Variants in PCDHA2 observed in about 807,000 individuals in gnomAD.
The protein encoded by PCDHA2 is protocadherin alpha-2.
A neutral mutation model predicts 66.0 loss-of-function variants in PCDHA2; 58 were observed. That is an observed-to-expected ratio of 0.88 (90% confidence interval 0.71 to 1.09). The LOEUF (loss-of-function observed/expected upper bound fraction) is 1.09, where lower values mean the gene tolerates loss of function less well. Among genes scored for constraint, PCDHA2 ranks in the 50% least tolerant of loss-of-function variants. The pLI, the probability that PCDHA2 is intolerant of heterozygous loss-of-function variation, is 0.00. For missense variants in PCDHA2, 1,267 were observed against 1,242.3 expected (o/e 1.02, Z -0.30); for synonymous variants, 634 against 554.0 (o/e 1.14, Z -2.03).
intron 3 of PCDHA2, among the ~76,000 whole-genome samples, chr5:141,005,494 G>A (rs1554260099): frequency 2.0e-5 from 3 of 151,700 alleles, no homozygotes; most frequent in Non-Finnish European, 2.9e-5. Flanking sequence ...ATGAGGTCAG[G>A]AGATCGAGAC....
At chr5:140,900,941 C>T (rs1241522274) in intron 1 of PCDHA2, among the ~76,000 whole-genome samples, 1 of 152,140 alleles carries the variant, frequency 6.6e-6, no homozygotes, top group African/African-American at 2.4e-5. Flanking sequence ...TTTTGATTTG[C>T]ATTTCTCTGA....
chr5:140,892,813 T>C (rs1335475161), intron 1 of PCDHA2, among the ~76,000 whole-genome samples: 1 of 152,228 alleles, frequency 6.6e-6, no homozygotes, highest in Non-Finnish European at 1.5e-5. Context: ...ACCATATTTA[T>C]CCTACAGTGC....
intron 1 of PCDHA2, among the ~76,000 whole-genome samples, chr5:140,840,861 A>G (rs1776915355): frequency 6.6e-6 from 1 of 152,012 alleles, no homozygotes; most frequent in African/African-American, 2.4e-5. Flanking sequence ...ACACGAAACT[A>G]TGGAGGACAG....
chr5:140,798,722 C>T (rs1762354472), intron 1 of PCDHA2, among the ~76,000 whole-genome samples: 1 of 152,186 alleles, frequency 6.6e-6, no homozygotes, highest in Admixed American at 6.5e-5. Context: ...TGGATGACTA[C>T]ATTTTCACTT....
At position 140,807,679 on chromosome 5, in the gene PCDHA2, G is replaced by A. The variant is rs782215966; in HGVS notation, c.2388+10327G>A. 16 of 1,614,118 alleles carry A rather than the reference G, an allele frequency of 9.9e-6. No individual in the cohort carries two copies. In the Admixed American group the frequency reaches 2.7e-4, roughly 27 times the overall value. ...GCGCCTCGGATGCAGATATCGGGGAGAACGCCCTGCTCACTTACAGACTGA... is the reference window on the plus strand; with the variant it reads ...GCGCCTCGGATGCAGATATCGGGGAAAACGCCCTGCTCACTTACAGACTGA... On this transcript the variant is annotated intron_variant, in intron 1 of 3. Transcript: ENST00000526136.
chr5:140,899,548 T>C (rs1452628026), intron 1 of PCDHA2, among the ~76,000 whole-genome samples: 5 of 152,214 alleles, frequency 3.3e-5, no homozygotes, highest in African/African-American at 1.2e-4. Flanking sequence ...TCATGGTGGA[T>C]AAGCTTTTTG....
intron 1 of PCDHA2, chr5:140,877,568 A>G (rs782021677): frequency 1.9e-6 from 3 of 1,613,708 alleles, no homozygotes; most frequent in Non-Finnish European, 1.7e-6. Context: ...ATTAACGTGT[A>G]CCTCATCATC....
intron 1 of PCDHA2, chr5:140,859,970 T>C (rs894279399): frequency 6.6e-6 from 1 of 152,018 alleles, no homozygotes; most frequent in Non-Finnish European, 1.5e-5. Context: ...GTCTCAGGTA[T>C]ACAAGTGCAT....
intron 1 of PCDHA2, among the ~76,000 whole-genome samples, chr5:140,959,969 C>T (rs1203367528): frequency 6.6e-6 from 1 of 152,104 alleles, no homozygotes; most frequent in African/African-American, 2.4e-5. Context: ...GTAGATGTTA[C>T]TGAAAGAAGA....
chr5:140,888,059 T>C (rs1562834280), intron 1 of PCDHA2, among the ~76,000 whole-genome samples: 1 of 152,232 alleles, frequency 6.6e-6, no homozygotes, highest in African/African-American at 2.4e-5. Context: ...TGTTTTAACT[T>C]TCTTGTCTGC....
chr5:140,841,294 A>C, intron 1 of PCDHA2: 1 of 1,563,306 alleles, frequency 6.4e-7, no homozygotes, highest in Non-Finnish European at 8.6e-7. Flanking sequence ...TTAAGATAAT[A>C]TTTTCTGATA....
intron 1 of PCDHA2, among the ~76,000 whole-genome samples, chr5:140,826,827 T>C (rs2150145425): frequency 1.3e-5 from 2 of 152,168 alleles, no homozygotes; most frequent in Non-Finnish European, 2.9e-5. Flanking sequence ...ATTAGGTTAC[T>C]AGAAGTTTCT....
chr5:140,823,977 C>A, intron 1 of PCDHA2: 3 of 1,614,044 alleles, frequency 1.9e-6, no homozygotes, highest in South Asian at 2.2e-5. Context: ...GCACACGGGG[C>A]AAGCCCACTC....
chr5:140,962,248 A>G (rs782618740), intron 1 of PCDHA2, among the ~76,000 whole-genome samples: 5 of 152,182 alleles, frequency 3.3e-5, no homozygotes, highest in Non-Finnish European at 5.9e-5. Context: ...ATTTTCTTCA[A>G]TGAAAAATAA....
intron 1 of PCDHA2, chr5:140,808,492 G>A (rs1448615626): frequency 6.2e-7 from 1 of 1,614,188 alleles, no homozygotes; most frequent in Non-Finnish European, 8.5e-7. Flanking sequence ...CGCCTTCGCT[G>A]TGGGCCACGG....
At chr5:140,858,647 A>T in intron 1 of PCDHA2, 1 of 821,512 alleles carries the variant, frequency 1.2e-6, no homozygotes, top group Non-Finnish European at 1.8e-6. Context: ...ATTGGTACTT[A>T]AATTTTTTTA....
intron 1 of PCDHA2, among the ~76,000 whole-genome samples, chr5:140,888,361 C>G (rs1445087911): frequency 2.0e-5 from 3 of 152,156 alleles, no homozygotes; most frequent in Non-Finnish European, 4.4e-5. Flanking sequence ...CTACTGGCAT[C>G]TAATAATGGA....
In PCDHA2 at chr5:140,797,070, C is replaced by T. The variant is rs1257564144; in HGVS notation, c.2106C>T (p.Ile702=). 1.8e-5 allele frequency: 29 copies of T among 1,613,746 alleles called. No individual in the cohort carries two copies. Among genetic ancestry groups the T allele is most frequent in the African/African-American group, 5.3e-5 (4 of 74,930 alleles). ...TLVDVNVYLI[I]AICAVSSLLV... ...TGGATGTCAACGTGTACCTGATCAT[C>T]GCCATCTGCGCGGTATCCAGCCTGT... Residue 702 remains isoleucine (I), a synonymous_variant, in exon 1 of 4, where the codon ATC becomes ATT. Coordinates refer to ENST00000526136, the MANE Select transcript of PCDHA2 (RefSeq NM_018905.3).
In PCDHA2 at chr5:140,797,158, C is replaced by T. The variant is rs201558063; in HGVS notation, c.2194C>T (p.Arg732Cys). ...RCSVPPTEGA[R>C]APGKPTLVCS... ...CTCGGTGCCACCCACCGAGGGTGCGCGCGCGCCAGGAAAGCCCACGCTGGT... is the reference window on the plus strand; with the variant it reads ...CTCGGTGCCACCCACCGAGGGTGCGTGCGCGCCAGGAAAGCCCACGCTGGT... Residue 732 changes from arginine (R) to cysteine (C), a missense_variant, in exon 1 of 4, where the codon CGC becomes TGC. Coordinates refer to ENST00000526136, the MANE Select transcript of PCDHA2 (RefSeq NM_018905.3). 1.5e-5 allele frequency: 25 copies of T among 1,613,854 alleles called. No individual in the cohort carries two copies. The highest frequency in any genetic ancestry group is 2.0e-5 in the Non-Finnish European group (24 of 1,179,988).
Sources: gnomAD v4.1 joint callset for allele counts (sites outside exome capture counted in the v4.1 genomes callset) on GRCh38, gnomAD v4.1.1 for gene constraint, MANE v1.5 for transcripts, NCBI Gene and HGNC (gene_info 2026-07-23, HGNC 2026-07-21) for gene names.